The following SRSF11 variants were observed in gnomAD, a reference collection of about 807,000 sequenced individuals.
SRSF11 encodes the protein serine and arginine rich splicing factor 11.
SRSF11 carries 9 observed loss-of-function variants against 56.0 expected under a neutral mutation model. The observed-to-expected ratio is 0.16, with a 90% CI of 0.10 to 0.28. SRSF11 has a LOEUF of 0.28. Among genes scored for constraint, SRSF11 ranks in the 10% least tolerant of loss-of-function variants. The pLI, the probability that SRSF11 is intolerant of heterozygous loss-of-function variation, is 1.00. For synonymous variants in SRSF11, 222 were observed against 215.3 expected (o/e 1.03, Z -0.27); for missense variants, 421 against 600.7 (o/e 0.70, Z 3.13).
At chr1:70,207,534 T>A (rs1027675677) in intron 1 of SRSF11, among the ~76,000 whole-genome samples, 2 of 152,006 alleles carry the variant, frequency 1.3e-5, no homozygotes, top group Non-Finnish European at 2.9e-5. Flanking sequence ...TTTTTTTTAA[T>A]CCTGTAATCA....
rs753771382 is a variant in SRSF11, at chr1:70,250,753, C to G, written c.1403C>G (p.Ser468Cys). 1 of 1,613,906 alleles carries G rather than the reference C, an allele frequency of 6.2e-7. No homozygotes were observed. Among genetic ancestry groups the G allele is most frequent in the Non-Finnish European group, 8.5e-7 (1 of 1,179,918 alleles). ...GGAACTGGTGATTCACTAAGAGAATCCAAAGTGAATGGGGATGATCATCAT... is the reference window on the plus strand; with the variant it reads ...GGAACTGGTGATTCACTAAGAGAATGCAAAGTGAATGGGGATGATCATCAT... ...EKGTGDSLRE[S>C]KVNGDDHHEE... is the part of the protein sequence containing the mutation. The change falls in exon 12 of 12, where the codon TCC becomes TGC. Residue 468 changes from serine (S) to cysteine (C), a missense_variant. Coordinates refer to ENST00000370949, the MANE Select transcript of SRSF11 (RefSeq NM_001350605.2).
chr1:70,215,882 A>C (rs1400355794), intron 1 of SRSF11, among the ~76,000 whole-genome samples: 1 of 152,186 alleles, frequency 6.6e-6, no homozygotes, highest in Non-Finnish European at 1.5e-5. Context: ...TCCCAGGTTC[A>C]AGCAATTCTT....
chr1:70,223,340 A>C (rs772231130), intron 1 of SRSF11, among the ~76,000 whole-genome samples: 4 of 152,232 alleles, frequency 2.6e-5, no homozygotes, highest in Non-Finnish European at 5.9e-5. Context: ...TTTATGATGC[A>C]TTTAGAAAAA....
intron 1 of SRSF11, among the ~76,000 whole-genome samples, chr1:70,207,683 C>T (rs1315091510): frequency 6.6e-6 from 1 of 151,062 alleles, no homozygotes; most frequent in Non-Finnish European, 1.5e-5. Flanking sequence ...CAAAATTTTA[C>T]AGTAACCACC....
chr1:70,221,482 A>G lies in SRSF11; in HGVS notation c.-155A>G, dbSNP rs1670596022. On this transcript the variant is annotated 5_prime_UTR_variant, in exon 1 of 12. Transcript: ENST00000370949. ...CCCGCGGCGTGCGGCGGGGCGGAGAAACGGCGGCGGCGGCGGCGGCATCGG... is the reference window on the plus strand; with the variant it reads ...CCCGCGGCGTGCGGCGGGGCGGAGAGACGGCGGCGGCGGCGGCGGCATCGG... The G allele has an allele frequency of 8.9e-7, 1 of 1,129,546 alleles. No homozygotes were observed. Among genetic ancestry groups the G allele is most frequent in the Non-Finnish European group, 1.2e-6 (1 of 803,202 alleles). 70.0% of individuals were successfully genotyped at this position (1,129,546 alleles called of 1,614,324 possible).
At chr1:70,208,497 C>T (rs1669259845) in intron 1 of SRSF11, among the ~76,000 whole-genome samples, 1 of 152,150 alleles carries the variant, frequency 6.6e-6, no homozygotes, top group Non-Finnish European at 1.5e-5. Flanking sequence ...CCACACCCAG[C>T]TAATTTTTTT....
At chr1:70,232,652 A>G (rs1028750618) in intron 3 of SRSF11, among the ~76,000 whole-genome samples, 1 of 152,240 alleles carries the variant, frequency 6.6e-6, no homozygotes, top group African/African-American at 2.4e-5. Context: ...AGGCATGAAC[A>G]CTTCTCTGAA....
At chr1:70,241,816 G>A (rs568264256) in intron 7 of SRSF11, among the ~76,000 whole-genome samples, 23 of 152,242 alleles carry the variant, frequency 1.5e-4, no homozygotes, top group African/African-American at 5.1e-4. Flanking sequence ...CTCTGCAATA[G>A]GATATACCTC....
At chr1:70,247,149 G>A in intron 9 of SRSF11, 1 of 1,022,794 alleles carries the variant, frequency 9.8e-7, no homozygotes, top group Non-Finnish European at 1.2e-6. Context: ...ATTCAAGAGA[G>A]GTGAGTTTTT....
rs1262292000 is a variant in SRSF11, at chr1:70,250,683, A to G, written c.1333A>G (p.Ile445Val). 11 of 1,613,922 alleles carry G rather than the reference A, an allele frequency of 6.8e-6. No individual in the cohort carries two copies. Among genetic ancestry groups the G allele is most frequent in the South Asian group, 1.1e-5 (1 of 91,076 alleles). Reference protein sequence around the residue: ...EKEKKEEKKPIETGSPKTKEC... With the variant: ...EKEKKEEKKPVETGSPKTKEC... Reference sequence around the variant, plus strand: ...AGAGAAAAAAGAAGAGAAGAAACCAATAGAAACAGGTTCCCCTAAAACAAA... The same window carrying G: ...AGAGAAAAAAGAAGAGAAGAAACCAGTAGAAACAGGTTCCCCTAAAACAAA... The change falls in exon 12 of 12, where the codon ATA becomes GTA. Residue 445 changes from isoleucine to valine, a missense_variant. By Grantham distance (29) the Ile-to-Val change is conservative (BLOSUM62 3). Transcript: ENST00000370949.
At chr1:70,228,219 T>G (rs1177022535) in intron 1 of SRSF11, among the ~76,000 whole-genome samples, 3 of 152,230 alleles carry the variant, frequency 2.0e-5, no homozygotes, top group African/African-American at 4.8e-5. Flanking sequence ...GTTATGATTA[T>G]AAGTTTTTAT....
At chr1:70,225,828 G>A (rs1671655691) in intron 1 of SRSF11, among the ~76,000 whole-genome samples, 1 of 152,120 alleles carries the variant, frequency 6.6e-6, no homozygotes, top group Non-Finnish European at 1.5e-5. Context: ...GAGATACGGA[G>A]TAAAATATGT....
chr1:70,218,486 C>T (rs1231170101), upstream of SRSF11: 1 of 152,134 alleles, frequency 6.6e-6, no homozygotes, highest in Non-Finnish European at 1.5e-5. Context: ...GATTTTATTA[C>T]AACTACCTTT....
chr1:70,240,286 C>A (rs1240450656), intron 7 of SRSF11, among the ~76,000 whole-genome samples: 1 of 152,112 alleles, frequency 6.6e-6, no homozygotes, highest in Non-Finnish European at 1.5e-5. Context: ...TCAAAGACAT[C>A]TTTATAAAAG....
intron 6 of SRSF11, among the ~76,000 whole-genome samples, chr1:70,237,912 AT>A (rs1260137738): frequency 2.0e-5 from 3 of 152,090 alleles, no homozygotes; most frequent in Non-Finnish European, 4.4e-5. Flanking sequence ...CCTAATTTTA[AT>A]TTTTTTCATT....
intron 1 of SRSF11, among the ~76,000 whole-genome samples, chr1:70,223,432 CAG>C (rs537051107): frequency 1.1e-3 from 174 of 152,248 alleles, no homozygotes; most frequent in African/African-American, 3.7e-3. Context: ...TGTGATGGAC[CAG>C]AGTCTTTTTG....
intron 1 of SRSF11, among the ~76,000 whole-genome samples, chr1:70,207,080 C>T (rs774583781): frequency 2.0e-5 from 3 of 151,852 alleles, no homozygotes; most frequent in South Asian, 2.1e-4. Flanking sequence ...TTAGTAGAGA[C>T]GGAGTTTCGC....
chr1:70,226,300 A>G (rs1671769987), intron 1 of SRSF11, among the ~76,000 whole-genome samples: 1 of 152,138 alleles, frequency 6.6e-6, no homozygotes, highest in Non-Finnish European at 1.5e-5. Flanking sequence ...TGAAGTGGAG[A>G]GAGATGAAAT....
Position 70,244,822 on chromosome 1 carries a change from C to T in SRSF11, c.932+7C>T. The T allele has an allele frequency of 1.9e-6, 3 of 1,613,572 alleles. No homozygotes were observed. The highest frequency in any genetic ancestry group is 2.5e-6 in the Non-Finnish European group (3 of 1,179,708). On this transcript the variant is annotated splice_region_variant and intron_variant, in intron 8 of 11. Coordinates refer to ENST00000370949, the MANE Select transcript of SRSF11 (RefSeq NM_001350605.2). ...GGAGCACATCAAAAACAAGGTATAGCATTGGGTGAGAAAGCAAATTTTAGG... is the reference window on the plus strand; with the variant it reads ...GGAGCACATCAAAAACAAGGTATAGTATTGGGTGAGAAAGCAAATTTTAGG...
Sources: allele counts gnomAD v4.1 joint callset (sites outside exome capture counted in the v4.1 genomes callset), GRCh38; gene constraint gnomAD v4.1.1; transcripts MANE v1.5; gene names NCBI Gene and HGNC (gene_info 2026-07-23, HGNC 2026-07-21).